The following SPATA31H1 variants were observed in gnomAD, a reference collection of about 807,000 sequenced individuals.
The protein encoded by SPATA31H1 is SPATA31 subfamily H member 1.
the SPATA31H1 span, chr2:27,571,566 G>T: frequency 2.5e-6 from 1 of 398,426 alleles, no homozygotes; most frequent in Non-Finnish European, 4.4e-6. Context: ...ATTAAAACTT[G>T]GGCTAAAGAT....
At chr2:27,580,528 C>G in the SPATA31H1 span, 7 of 1,614,178 alleles carry the variant, frequency 4.3e-6, no homozygotes, top group Non-Finnish European at 5.9e-6. Context: ...AGGGAATTAG[C>G]AGCCCATTTA....
the SPATA31H1 span, among the ~76,000 whole-genome samples, chr2:27,546,605 T>A: frequency 6.6e-6 from 1 of 152,070 alleles, no homozygotes; most frequent in Admixed American, 6.5e-5. Context: ...TGATTACAGC[T>A]CACTGCAGCC....
chr2:27,549,744 G>A, the SPATA31H1 span, among the ~76,000 whole-genome samples: 1 of 151,852 alleles, frequency 6.6e-6, no homozygotes, highest in Non-Finnish European at 1.5e-5. Flanking sequence ...GGGAGGCGAA[G>A]GTTGCAGTGA....
At chr2:27,542,582 C>G in the SPATA31H1 span, among the ~76,000 whole-genome samples, 1 of 151,646 alleles carries the variant, frequency 6.6e-6, no homozygotes, top group Non-Finnish European at 1.5e-5. Flanking sequence ...TATAGGATAG[C>G]GCCAGCCTAG....
chr2:27,552,836 T>C, the SPATA31H1 span, among the ~76,000 whole-genome samples: 2 of 152,078 alleles, frequency 1.3e-5, no homozygotes, highest in South Asian at 4.1e-4. Context: ...TTTATTATTT[T>C]GGATGCTAAA....
At chr2:27,574,115 G>A in the SPATA31H1 span, 2 of 398,354 alleles carry the variant, frequency 5.0e-6, no homozygotes. Flanking sequence ...TCAAACCTGG[G>A]CCACAGTTGC....
At chr2:27,581,185 A>G in the SPATA31H1 span, 3 of 1,614,218 alleles carry the variant, frequency 1.9e-6, no homozygotes, top group Admixed American at 5.0e-5. Flanking sequence ...ACACACAAGG[A>G]GCATAACCAC....
the SPATA31H1 span, chr2:27,568,286 A>G: frequency 2.5e-6 from 1 of 399,030 alleles, no homozygotes; most frequent in Admixed American, 4.4e-5. Context: ...CACAACATGC[A>G]GTTACGGAAA....
the SPATA31H1 span, among the ~76,000 whole-genome samples, chr2:27,547,673 G>A: frequency 1.9e-3 from 282 of 151,962 alleles, 2 homozygotes; most frequent in African/African-American, 3.7e-3. Context: ...TTCATGTCTC[G>A]TTTATTTAGA....
At chr2:27,544,017 T>A in the SPATA31H1 span, among the ~76,000 whole-genome samples, 1 of 151,948 alleles carries the variant, frequency 6.6e-6, no homozygotes, top group Non-Finnish European at 1.5e-5. Flanking sequence ...TCCAAGACCC[T>A]AAGAACAAAG....
chr2:27,554,119 A>G, the SPATA31H1 span, among the ~76,000 whole-genome samples: 2 of 151,954 alleles, frequency 1.3e-5, no homozygotes, highest in East Asian at 3.8e-4. Flanking sequence ...TTTACTGTGC[A>G]TATTTCTACA....
chr2:27,565,492 G>C, the SPATA31H1 span: 2 of 696,314 alleles, frequency 2.9e-6, no homozygotes, highest in Non-Finnish European at 5.3e-6. Flanking sequence ...TGAAAAAGAG[G>C]ATGTAAATGG....
At chr2:27,581,741 G>A in the SPATA31H1 span, 4 of 1,613,006 alleles carry the variant, frequency 2.5e-6, no homozygotes, top group African/African-American at 4.0e-5. Flanking sequence ...GTCCCGCTCG[G>A]AGGAGCCATC....
chr2:27,577,815 G>A, the SPATA31H1 span: 1 of 1,614,136 alleles, frequency 6.2e-7, no homozygotes, highest in South Asian at 1.1e-5. The surrounding 1 kb of genome is among the most constrained non-coding windows in gnomAD (Gnocchi z 4.5). Context: ...ACAAATGGAG[G>A]AATCTTTAGA....
the SPATA31H1 span, chr2:27,571,048 G>C: frequency 3.5e-5 from 14 of 398,378 alleles, no homozygotes; most frequent in South Asian, 1.4e-3. Context: ...AAACTTAAAG[G>C]TTTCAGATCT....
At chr2:27,564,948 A>G in the SPATA31H1 span, among the ~76,000 whole-genome samples, 3 of 152,148 alleles carry the variant, frequency 2.0e-5, no homozygotes, top group Non-Finnish European at 2.9e-5. Flanking sequence ...CCTGGCTTCC[A>G]TCTACCTTGT....
chr2:27,581,431 G>C, the SPATA31H1 span: 6 of 1,614,142 alleles, frequency 3.7e-6, no homozygotes, highest in African/African-American at 6.7e-5. Context: ...CCCCCCGAGA[G>C]GAGCTGTCAC....
chr2:27,539,988 C>T, the SPATA31H1 span, among the ~76,000 whole-genome samples: 4,208 of 99,838 alleles, frequency 0.042, no homozygotes, highest in East Asian at 0.048. Context: ...ACCTCCCTCC[C>T]GGACTGGGCG....
the SPATA31H1 span, chr2:27,573,458 T>A: frequency 7.5e-6 from 3 of 398,340 alleles, no homozygotes; most frequent in Non-Finnish European, 1.3e-5. Flanking sequence ...AATTAAGAAA[T>A]GTGAAGTCAT....
Sources: gnomAD v4.1 joint callset for allele counts (sites outside exome capture counted in the v4.1 genomes callset) on GRCh38, gnomAD v4.1.1 for gene constraint, Gnocchi (gnomAD v3.1) non-coding constraint, MANE v1.5 for transcripts, NCBI Gene and HGNC (gene_info 2026-07-23, HGNC 2026-07-21) for gene names.